RALYL: variants seen among roughly 807,000 people sequenced by gnomAD.
The protein encoded by RALYL is RALY RNA binding protein like.
A neutral mutation model predicts 35.1 loss-of-function variants in RALYL; 29 were observed. The ratio of observed to expected loss-of-function variants is 0.83; its 90% CI spans 0.61 to 1.13. The LOEUF is 1.13. RALYL is among the 50% of genes most tolerant of loss of function. RALYL has a pLI of 0.00. For missense variants in RALYL, 359 were observed against 360.4 expected (o/e 1.00, Z 0.03); for synonymous variants, 120 against 127.6 (o/e 0.94, Z 0.40).
rs5892925 is a variant in RALYL at position 84,546,959 on chromosome 8, A to ATT, written c.256+17388_256+17389dup. Among the ~76,000 whole-genome samples the ATT allele has an allele frequency of 4.6e-5, 7 of 151,952 alleles. No homozygotes were observed. In the South Asian group the frequency reaches 1.0e-3, roughly 23 times the overall value. ...GATTTACATCTTAGTTCTAATTTTAATTTTTTTAATTTTACCTTAAGTTCT... is the reference window on the plus strand; with the variant it reads ...GATTTACATCTTAGTTCTAATTTTAATTTTTTTTTAATTTTACCTTAAGTTCT... On this transcript the variant is annotated intron_variant, in intron 2 of 8. Transcript: ENST00000521268.
chr8:84,428,381 A>T (rs1403529907), intron 1 of RALYL, among the ~76,000 whole-genome samples: 3 of 152,150 alleles, frequency 2.0e-5, no homozygotes, highest in African/African-American at 7.2e-5. Context: ...TCTTGGATTC[A>T]TCCTAATGTG....
intron 3 of RALYL, among the ~76,000 whole-genome samples, chr8:84,798,566 G>T (rs1270683441): frequency 1.3e-5 from 2 of 152,148 alleles, no homozygotes; most frequent in African/African-American, 4.8e-5. Context: ...CTGGAATTAG[G>T]CAATCTGATT....
At chr8:84,451,602 A>G (rs965164528) in intron 1 of RALYL, among the ~76,000 whole-genome samples, 2 of 152,014 alleles carry the variant, frequency 1.3e-5, no homozygotes, top group African/African-American at 4.8e-5. Context: ...TAGCTGATGG[A>G]AAAGTTGCCA....
intron 1 of RALYL, among the ~76,000 whole-genome samples, chr8:84,488,237 G>T (rs1049758535): frequency 2.0e-5 from 3 of 152,072 alleles, no homozygotes; most frequent in Non-Finnish European, 4.4e-5. Context: ...CACCAGTTCA[G>T]TGATACAAAT....
intron 5 of RALYL, 89 bp downstream of exon 5, chr8:84,850,116 G>A: frequency 2.0e-5 from 12 of 614,382 alleles, no homozygotes; most frequent in South Asian, 1.1e-4. Flanking sequence ...TCTTAATTAT[G>A]GTATTTAAAA....
At chr8:84,740,945 C>T (rs1378640695) in intron 2 of RALYL, among the ~76,000 whole-genome samples, 1 of 151,878 alleles carries the variant, frequency 6.6e-6, no homozygotes, top group Non-Finnish European at 1.5e-5. Flanking sequence ...TAATTACGCA[C>T]TTTTGTATAT....
At chr8:84,792,499 G>A (rs1199974131) in intron 3 of RALYL, among the ~76,000 whole-genome samples, 1 of 152,228 alleles carries the variant, frequency 6.6e-6, no homozygotes, top group Admixed American at 6.5e-5. Flanking sequence ...ATGGGTACAG[G>A]ATAGGGGGCG....
intron 2 of RALYL, among the ~76,000 whole-genome samples, chr8:84,735,811 CGAGA>C (rs59842702): frequency 0.054 from 6,012 of 111,258 alleles, 132 homozygotes; most frequent in South Asian, 0.094. Context: ...ATCCAAACCG[CGAGA>C]GAGAGAGAGA....
In RALYL at chr8:84,813,327, G is replaced by A. The variant is rs117534687; in HGVS notation, c.365+8525G>A. ...TCAGAGGGTCTGTGGGTCCTCTTGG[G>A]ATTGCTGGTTCATTCTTGCAGTTGA... On this transcript the variant is annotated intron_variant, in intron 4 of 8. Transcript: ENST00000521268. 9.6e-3 allele frequency among the ~76,000 whole-genome samples: 1,463 copies of A among 152,284 alleles called. 5 individuals carry two copies. The highest frequency in any genetic ancestry group is 0.014 in the Non-Finnish European group (951 of 68,022).
intron 1 of RALYL, among the ~76,000 whole-genome samples, chr8:84,272,817 A>G (rs1834589005): frequency 6.6e-6 from 1 of 152,200 alleles, no homozygotes; most frequent in South Asian, 2.1e-4. Context: ...AATTAGAAAA[A>G]GTTGACATTT....
At position 84,542,369 on chromosome 8, in the gene RALYL, A is replaced by T. The variant is rs189533269; in HGVS notation, c.256+12792A>T. Among the ~76,000 whole-genome samples, 71 of 152,276 alleles carry T rather than the reference A, an allele frequency of 4.7e-4. 1 individual carries two copies. Among genetic ancestry groups the T allele is most frequent in the Admixed American group, 3.5e-3 (53 of 15,276 alleles). ...GTTTCAGCATATATGTATATATGTA[A>T]ATACATACATTATAATTTCTTAAAT... On this transcript the variant is annotated intron_variant, in intron 2 of 8. Transcript: ENST00000521268.
chr8:84,645,264 CA>C, intron 2 of RALYL, among the ~76,000 whole-genome samples: 2 of 151,772 alleles, frequency 1.3e-5, no homozygotes, highest in Non-Finnish European at 2.9e-5. Context: ...TTGTTGTTTA[CA>C]TCATTTAACT....
chr8:84,507,236 T>C (rs1436383481), intron 1 of RALYL, among the ~76,000 whole-genome samples: 1 of 152,108 alleles, frequency 6.6e-6, no homozygotes, highest in Non-Finnish European at 1.5e-5. Context: ...GTGCATAAGT[T>C]TCTCTTTTGA....
In RALYL at chr8:84,231,759, T is replaced by C. The variant is rs538727208; in HGVS notation, c.-24+47335T>C. ...CATTGTCCATCAAACTCTTTCAAAG[T>C]AGTCATTACATCCTTTTCAAGTGCA... On this transcript the variant is annotated intron_variant, in intron 1 of 8. Coordinates refer to ENST00000521268, the MANE Select transcript of RALYL (RefSeq NM_173848.7). Among the ~76,000 whole-genome samples, 5 of 152,292 alleles carry C rather than the reference T, an allele frequency of 3.3e-5. No homozygotes were observed. In the East Asian group the frequency reaches 9.6e-4, roughly 29 times the overall value.
chr8:84,223,726 C>T (rs1823103185), intron 1 of RALYL, among the ~76,000 whole-genome samples: 1 of 152,184 alleles, frequency 6.6e-6, no homozygotes, highest in Non-Finnish European at 1.5e-5. Flanking sequence ...ACAGATGCTG[C>T]AACATCTTGT....
chr8:84,870,953 C>CTATT (rs1409658873), intron 6 of RALYL, among the ~76,000 whole-genome samples: 1 of 152,146 alleles, frequency 6.6e-6, no homozygotes, highest in Admixed American at 6.5e-5. Context: ...GCAGCCAAGA[C>CTATT]TATTTGTAGA....
chr8:84,469,345 T>C (rs2052315646), intron 1 of RALYL, among the ~76,000 whole-genome samples: 1 of 152,106 alleles, frequency 6.6e-6, no homozygotes, highest in South Asian at 2.1e-4. Flanking sequence ...TTCTGTTTGT[T>C]AGTTTTCCTT....
At chr8:84,800,287 T>A (rs1191982135) in intron 3 of RALYL, among the ~76,000 whole-genome samples, 1 of 152,212 alleles carries the variant, frequency 6.6e-6, no homozygotes, top group Non-Finnish European at 1.5e-5. Flanking sequence ...CTTATGAGCT[T>A]TGTGATTTTG....
At chr8:84,345,360 C>T (rs1849645709) in intron 1 of RALYL, among the ~76,000 whole-genome samples, 1 of 151,800 alleles carries the variant, frequency 6.6e-6, no homozygotes, top group African/African-American at 2.4e-5. Context: ...AAAGTATTAC[C>T]CTCCCCTCAC....
Sources: allele counts gnomAD v4.1 joint callset (sites outside exome capture counted in the v4.1 genomes callset), GRCh38; gene constraint gnomAD v4.1.1; transcripts MANE v1.5; gene names NCBI Gene and HGNC (gene_info 2026-07-23, HGNC 2026-07-21).